IQSEC1: variants seen among roughly 807,000 people sequenced by gnomAD.
IQSEC1 encodes the protein IQ motif and SEC7 domain-containing protein 1.
A neutral mutation model predicts 91.0 loss-of-function variants in IQSEC1; 31 were observed. The ratio of observed to expected loss-of-function variants is 0.34; its 90% CI spans 0.26 to 0.46. The LOEUF (loss-of-function observed/expected upper bound fraction) is 0.46, where lower values mean the gene tolerates loss of function less well. IQSEC1 is among the 20% of genes least tolerant of loss of function. The pLI is 1.00. For synonymous variants in IQSEC1, 699 were observed against 662.6 expected (o/e 1.05, Z -0.84); for missense variants, 1,388 against 1,575.6 (o/e 0.88, Z 2.02).
At position 12,900,732 on chromosome 3, in the gene IQSEC1, T is replaced by C; in HGVS notation, c.*251A>G. On this transcript the variant is annotated 3_prime_UTR_variant, in exon 14 of 14. Transcript: ENST00000613206. ...TGGCTCACCGTTTCAAGGCTGATGGTGTCTGAGGCCCACCCATCCCTCAGA... is the reference window on the plus strand; with the variant it reads ...TGGCTCACCGTTTCAAGGCTGATGGCGTCTGAGGCCCACCCATCCCTCAGA... 7.1e-7 allele frequency: 1 copy of C among 1,406,066 alleles called. No individual in the cohort carries two copies. Among genetic ancestry groups the C allele is most frequent in the East Asian group, 2.7e-5 (1 of 37,584 alleles). The allele number at this position is 1,406,066 out of a possible 1,614,324, so 87.1% of individuals were successfully genotyped here. A position where few individuals can be genotyped will look rare whatever the true frequency, so the allele number is the denominator to read the frequency against.
At chr3:12,998,668 A>G (rs76870490) in intron 1 of IQSEC1, among the ~76,000 whole-genome samples, 1 of 152,112 alleles carries the variant, frequency 6.6e-6, no homozygotes, top group African/African-American at 2.4e-5. Context: ...TTAAAAAAAA[A>G]GAGGGGGTAT....
At position 12,915,178 on chromosome 3, in the gene IQSEC1, A is replaced by G. The variant is rs754496880; in HGVS notation, c.2161-45T>C. ...CAACAAAAGGGTGTTCATGTTTCAAAGCCACGCCCAGGCCAATGCTGCAAG... is the reference window on the plus strand; with the variant it reads ...CAACAAAAGGGTGTTCATGTTTCAAGGCCACGCCCAGGCCAATGCTGCAAG... On this transcript the variant is annotated intron_variant, in intron 7 of 13. Coordinates refer to ENST00000613206, the MANE Select transcript of IQSEC1 (RefSeq NM_001134382.3). 7 of 1,585,086 alleles carry G rather than the reference A, an allele frequency of 4.4e-6. No individual in the cohort carries two copies. The African/African-American group carries it at 9.4e-5, about 21-fold the overall frequency.
intron 1 of IQSEC1, among the ~76,000 whole-genome samples, chr3:13,281,445 G>A (rs1014604668): frequency 9.0e-5 from 12 of 134,066 alleles, no homozygotes; most frequent in Admixed American, 2.3e-4. Flanking sequence ...TGACACCCAC[G>A]CCTGCCACGC....
At chr3:13,039,319 C>T (rs1337779326) in intron 1 of IQSEC1, among the ~76,000 whole-genome samples, 1 of 152,196 alleles carries the variant, frequency 6.6e-6, no homozygotes, top group Non-Finnish European at 1.5e-5. Flanking sequence ...TGGCAGAGCT[C>T]CAGGATTATT....
intron 1 of IQSEC1, among the ~76,000 whole-genome samples, chr3:13,048,685 C>T (rs534309467): frequency 5.9e-5 from 9 of 152,214 alleles, no homozygotes; most frequent in Non-Finnish European, 1.2e-4. Context: ...CCTTCCTTCC[C>T]GTGTCCCATG....
At chr3:13,172,138 A>C (rs1693628481) in intron 1 of IQSEC1, among the ~76,000 whole-genome samples, 1 of 152,214 alleles carries the variant, frequency 6.6e-6, no homozygotes, top group South Asian at 2.1e-4. Context: ...TTTCCTGTCC[A>C]AATAGCATTT....
intron 13 of IQSEC1, 103 bp downstream of exon 13, chr3:12,902,670 C>CCAA (rs1694474850): frequency 1.6e-5 from 3 of 192,646 alleles, no homozygotes; most frequent in Admixed American, 9.7e-5. Flanking sequence ...AAAAAAAAAC[C>CCAA]AAAAAAAAAA....
intron 1 of IQSEC1, among the ~76,000 whole-genome samples, chr3:13,070,306 C>T (rs1322489914): frequency 6.6e-6 from 1 of 152,224 alleles, no homozygotes; most frequent in Non-Finnish European, 1.5e-5. Flanking sequence ...TTCTGTAAAA[C>T]GGGATCGACA....
intron 1 of IQSEC1, among the ~76,000 whole-genome samples, chr3:13,203,645 C>T (rs1426730207): frequency 6.6e-6 from 1 of 152,148 alleles, no homozygotes; most frequent in Non-Finnish European, 1.5e-5. Flanking sequence ...GCTTGCAGTA[C>T]CCTTAGTCAC....
chr3:13,256,273 C>A (rs1344223469), intron 1 of IQSEC1, among the ~76,000 whole-genome samples: 1 of 152,152 alleles, frequency 6.6e-6, no homozygotes, highest in Non-Finnish European at 1.5e-5. Flanking sequence ...TTCTTCTGTA[C>A]ACGGTGATCT....
At chr3:13,027,323 G>A (rs1294919097) in intron 1 of IQSEC1, among the ~76,000 whole-genome samples, 1 of 152,222 alleles carries the variant, frequency 6.6e-6, no homozygotes, top group Non-Finnish European at 1.5e-5. Flanking sequence ...CAGGGGCTGG[G>A]CACTCACTTC....
chr3:13,247,177 T>C (rs536190898), intron 1 of IQSEC1, among the ~76,000 whole-genome samples: 3 of 152,200 alleles, frequency 2.0e-5, no homozygotes, highest in South Asian at 2.1e-4. Flanking sequence ...AACTCATCCA[T>C]AACCACCTTC....
At position 13,095,889 on chromosome 3, in the gene IQSEC1, A is replaced by AT. The variant is rs1359270334; in HGVS notation, c.303-48368dup. Among the ~76,000 whole-genome samples, 17 of 152,260 alleles carry AT rather than the reference A, an allele frequency of 1.1e-4. No homozygotes were observed. The East Asian group carries it at 2.9e-3, about 26-fold the overall frequency. On this transcript the variant is annotated intron_variant, in intron 2 of 15. Coordinates refer to the IQSEC1 transcript ENST00000648114. ...ATGAGGCTGAGGGAGGGGCGGCGAG[A>AT]TTCACGTGAGACCTCATGCATTCAC...
chr3:13,022,116 G>A, intron 1 of IQSEC1: 2 of 1,231,842 alleles, frequency 1.6e-6, no homozygotes, highest in Non-Finnish European at 2.0e-6. Flanking sequence ...GCTCGGTGGA[G>A]GAGCGAGTGG....
intron 1 of IQSEC1, among the ~76,000 whole-genome samples, chr3:13,012,605 C>T (rs1373852384): frequency 3.3e-5 from 5 of 152,214 alleles, no homozygotes; most frequent in Admixed American, 6.5e-5. Flanking sequence ...AAAGGAAATG[C>T]CTAATGTTTT....
At chr3:12,962,935 C>T (rs1201522285) in intron 1 of IQSEC1, among the ~76,000 whole-genome samples, 2 of 152,182 alleles carry the variant, frequency 1.3e-5, no homozygotes, top group African/African-American at 2.4e-5. Flanking sequence ...TCTGTTGTGG[C>T]AGTATAGGGA....
chr3:13,002,547 C>CAAAAAAAAAAAAAA (rs57241537), intron 1 of IQSEC1, among the ~76,000 whole-genome samples: 1 of 107,264 alleles, frequency 9.3e-6, no homozygotes, highest in Non-Finnish European at 2.0e-5. Flanking sequence ...ACCTGATCTC[C>CAAAAAAAAAAAAAA]AAAAAAAAAA....
chr3:12,941,428 G>C, intron 2 of IQSEC1, 143 bp downstream of exon 2: 2 of 818,200 alleles, frequency 2.4e-6, no homozygotes, highest in South Asian at 2.0e-5. Context: ...GCTGGAACTG[G>C]GGCAGAGCCC....
intron 1 of IQSEC1, among the ~76,000 whole-genome samples, chr3:13,248,897 G>A (rs9862735): frequency 2.3e-4 from 22 of 94,172 alleles, no homozygotes; most frequent in African/African-American, 1.9e-3. Flanking sequence ...CCGAGGTCAC[G>A]TAGCTGCACA....
Sources: gnomAD v4.1 joint callset for allele counts (sites outside exome capture counted in the v4.1 genomes callset) on GRCh38, gnomAD v4.1.1 for gene constraint, MANE v1.5 for transcripts, NCBI Gene and HGNC (gene_info 2026-07-23, HGNC 2026-07-21) for gene names.